COL24A1: variants seen among roughly 807,000 people sequenced by gnomAD.
COL24A1 encodes collagen type XXIV alpha 1 chain.
Under a neutral mutation model 253.9 loss-of-function variants are expected in COL24A1, and 224 were observed. The ratio of observed to expected loss-of-function variants is 0.88; its 90% CI spans 0.79 to 0.99. The LOEUF is 0.99. Among genes scored for constraint, COL24A1 ranks in the 50% least tolerant of loss-of-function variants. COL24A1 has a pLI of 0.00. For synonymous variants in COL24A1, 685 were observed against 673.7 expected, an observed-to-expected ratio of 1.02 and a Z score of -0.26; for missense variants, 2,131 against 2,068.5, an observed-to-expected ratio of 1.03 and a Z score of -0.59.
At chr1:85,952,794 C>T (rs1214278407) in intron 24 of COL24A1, among the ~76,000 whole-genome samples, 1 of 152,190 alleles carries the variant, frequency 6.6e-6, no homozygotes, top group Non-Finnish European at 1.5e-5. Flanking sequence ...AAAATATATA[C>T]TCCCTGGCCC....
rs1670323356 is a variant in COL24A1, at chr1:85,791,951, TTAATAAGCTAAGTGTTATCCTATACAA to T, written c.3952-5517_3952-5491del. On this transcript the variant is annotated intron_variant, in intron 47 of 59. Coordinates refer to ENST00000370571, the MANE Select transcript of COL24A1 (RefSeq NM_152890.7). The stretch of plus-strand genomic sequence containing the variant: ...AAGAAACCCACAGAGAAAGCAGATT[TTAATAAGCTAAGTGTTATCCTATACAA>T]AGCATGACATTTTTCTCATTACTAG... Among the ~76,000 whole-genome samples the T allele has an allele frequency of 2.6e-5, 4 of 152,126 alleles. No homozygotes were observed. In the South Asian group the frequency reaches 8.3e-4, roughly 32 times the overall value.
chr1:85,829,115 C>T (rs1362175936), intron 43 of COL24A1, among the ~76,000 whole-genome samples: 3 of 150,142 alleles, frequency 2.0e-5, no homozygotes, highest in African/African-American at 7.3e-5. Flanking sequence ...TTAGGGCAGG[C>T]CTGGTGGTGA....
chr1:85,793,878 AT>A (rs1009062511), intron 47 of COL24A1, among the ~76,000 whole-genome samples: 2 of 152,156 alleles, frequency 1.3e-5, no homozygotes, highest in East Asian at 3.9e-4. Flanking sequence ...GGAAAGGCAA[AT>A]TTTAAAAACA....
chr1:86,059,025 TAAAA>T lies in COL24A1; in HGVS notation c.1806+92_1806+95del, dbSNP rs1302963653. On this transcript the variant is annotated intron_variant, in intron 9 of 59. Transcript: ENST00000370571. ...TCTCTATGAGTTATTCATTATTTAA[TAAAA>T]AAACTATTTGAACATTAATTCTCAA... 13 of 734,260 alleles carry T rather than the reference TAAAA, an allele frequency of 1.8e-5. No homozygotes were observed. In the East Asian group the frequency reaches 3.4e-4, roughly 19 times the overall value. 45.5% of individuals were successfully genotyped at this position (734,260 alleles called of 1,614,324 possible).
intron 24 of COL24A1, among the ~76,000 whole-genome samples, chr1:85,923,298 C>T (rs1264185552): frequency 6.6e-6 from 1 of 152,146 alleles, no homozygotes; most frequent in East Asian, 1.9e-4. Context: ...AGGACTTGAA[C>T]TCAGCTCTGC....
chr1:85,967,331 C>T (rs1435152673), intron 22 of COL24A1, among the ~76,000 whole-genome samples: 1 of 151,972 alleles, frequency 6.6e-6, no homozygotes, highest in Admixed American at 6.6e-5. Flanking sequence ...AATAAATAGG[C>T]TTGAAGATAG....
chr1:86,138,976 T>C (rs1318677596), intron 2 of COL24A1, among the ~76,000 whole-genome samples: 1 of 33,812 alleles, frequency 3.0e-5, no homozygotes, highest in Non-Finnish European at 1.0e-4. Context: ...TTTTTGTTTG[T>C]TGTTGTTTCG....
chr1:86,074,437 G>A (rs780889323), intron 7 of COL24A1, among the ~76,000 whole-genome samples: 18 of 152,112 alleles, frequency 1.2e-4, no homozygotes, highest in Non-Finnish European at 2.1e-4. Context: ...CCCAATACAG[G>A]AGTACCCGGA....
chr1:86,101,101 C>T (rs1704413487), intron 5 of COL24A1, among the ~76,000 whole-genome samples: 1 of 152,078 alleles, frequency 6.6e-6, no homozygotes, highest in Non-Finnish European at 1.5e-5. Flanking sequence ...TCTTATAGGA[C>T]TCAGTGTTAA....
intron 37 of COL24A1, among the ~76,000 whole-genome samples, chr1:85,864,362 G>C (rs1679534810): frequency 1.4e-5 from 2 of 145,028 alleles, no homozygotes; most frequent in African/African-American, 2.5e-5. Context: ...AGAACACTTG[G>C]ACACAGGAAG....
At chr1:85,872,101 CAA>C (rs1281668879) in intron 35 of COL24A1, among the ~76,000 whole-genome samples, 3 of 152,088 alleles carry the variant, frequency 2.0e-5, no homozygotes, top group African/African-American at 7.2e-5. Context: ...ACAATTGCTT[CAA>C]AGAGAATAAA....
intron 35 of COL24A1, among the ~76,000 whole-genome samples, chr1:85,871,956 T>C (rs974824384): frequency 6.6e-6 from 1 of 152,120 alleles, no homozygotes; most frequent in Non-Finnish European, 1.5e-5. Context: ...ACCCCATCGT[T>C]TCAGCCCCAA....
chr1:85,888,969 T>C (rs1023614908), intron 32 of COL24A1, among the ~76,000 whole-genome samples: 4 of 152,134 alleles, frequency 2.6e-5, no homozygotes, highest in African/African-American at 4.8e-5. Flanking sequence ...AATGACTTCA[T>C]TGGCAAAAAA....
At chr1:85,958,226 A>T (rs1299683122) in intron 24 of COL24A1, among the ~76,000 whole-genome samples, 1 of 152,140 alleles carries the variant, frequency 6.6e-6, no homozygotes, top group Non-Finnish European at 1.5e-5. Flanking sequence ...GTTATATTGC[A>T]TATTCCAGGG....
At chr1:86,000,689 C>A (rs1334251171) in intron 19 of COL24A1, among the ~76,000 whole-genome samples, 1 of 152,208 alleles carries the variant, frequency 6.6e-6, no homozygotes, top group African/African-American at 2.4e-5. Context: ...CAGTCTTTGT[C>A]TCTAATGAAG....
At chr1:85,811,430 T>C (rs898561960) in intron 47 of COL24A1, among the ~76,000 whole-genome samples, 5 of 152,152 alleles carry the variant, frequency 3.3e-5, no homozygotes, top group African/African-American at 1.2e-4. Context: ...ATTCCTGCCG[T>C]CAGTTCTTTT....
At chr1:85,851,024 C>CATATATATATATACATCTACAT (rs149854934) in intron 37 of COL24A1, among the ~76,000 whole-genome samples, 1 of 146,054 alleles carries the variant, frequency 6.8e-6, no homozygotes, top group Non-Finnish European at 1.5e-5. Context: ...TATATATCTA[C>CATATATATATATACATCTACAT]ATATATATAT....
chr1:85,896,020 C>A lies in COL24A1; in HGVS notation c.2877+1G>T. The A allele has an allele frequency of 1.2e-6, 2 of 1,610,482 alleles. No homozygotes were observed. The highest frequency in any genetic ancestry group is 1.7e-6 in the Non-Finnish European group (2 of 1,178,994). Reference sequence around the variant, plus strand: ...TTAATGTGAAATGTTTTATTACTTACAATAAGACCATGAGGCCCTCTTTTT... The same window carrying A: ...TTAATGTGAAATGTTTTATTACTTAAAATAAGACCATGAGGCCCTCTTTTT... On this transcript the variant is annotated splice_donor_variant, in intron 30 of 59. Transcript: ENST00000370571. LOFTEE classifies it high-confidence loss of function.
intron 5 of COL24A1, among the ~76,000 whole-genome samples, chr1:86,097,661 C>T (rs904357949): frequency 7.2e-6 from 1 of 138,770 alleles, no homozygotes; most frequent in African/African-American, 2.7e-5. Flanking sequence ...CTCCTCCTCC[C>T]CTTCTCCTCC....
Sources: allele counts gnomAD v4.1 joint callset (sites outside exome capture counted in the v4.1 genomes callset), GRCh38; gene constraint gnomAD v4.1.1; transcripts MANE v1.5; gene names NCBI Gene and HGNC (gene_info 2026-07-23, HGNC 2026-07-21).